The following ADAM32 variants were observed in gnomAD, a reference collection of about 807,000 sequenced individuals.
The protein encoded by ADAM32 is ADAM metallopeptidase domain 32.
A neutral mutation model predicts 114.9 loss-of-function variants in ADAM32; 89 were observed. That is an observed-to-expected ratio of 0.77 (90% CI 0.65 to 0.92). The LOEUF (loss-of-function observed/expected upper bound fraction) is 0.92. ADAM32 is among the 40% of genes least tolerant of loss of function. The probability of loss-of-function intolerance (pLI) is 0.00; values close to 1 mark genes in which losing one functional copy is unlikely to be tolerated. For synonymous variants in ADAM32, 285 were observed against 307.5 expected (o/e 0.93, Z 0.77); for missense variants, 870 against 932.8 (o/e 0.93, Z 0.88).
intron 2 of ADAM32, among the ~76,000 whole-genome samples, chr8:39,126,297 C>G (rs866198255): frequency 9.9e-4 from 151 of 152,228 alleles, no homozygotes; most frequent in African/African-American, 3.5e-3. Context: ...ATTGATTCTT[C>G]CTATCCATGA....
chr8:39,275,634 G>A (rs1200576201), intron 21 of ADAM32, among the ~76,000 whole-genome samples, 194 bp from the exon 22 acceptor site: 1 of 152,110 alleles, frequency 6.6e-6, no homozygotes, highest in Non-Finnish European at 1.5e-5. Flanking sequence ...AACTTTTTAT[G>A]GACATTGTAT....
rs199782793 is a variant in ADAM32, at chr8:39,215,190, A to AT, written c.1233+3875dup. On this transcript the variant is annotated intron_variant, in intron 12 of 24. Transcript: ENST00000379907. ...TTTGTGATTCCATATAAATTTTAGG[A>AT]TTTTTTTTTCTATTTCTGTGAGGAA... 5.3e-4 allele frequency among the ~76,000 whole-genome samples: 80 copies of AT among 150,618 alleles called. No individual in the cohort carries two copies. In the East Asian group the frequency reaches 7.0e-3, roughly 13 times the overall value.
intron 12 of ADAM32, among the ~76,000 whole-genome samples, chr8:39,217,401 TTCTC>T (rs1333979426): frequency 6.6e-6 from 1 of 152,142 alleles, no homozygotes; most frequent in Non-Finnish European, 1.5e-5. Flanking sequence ...ATTGATATCT[TTCTC>T]TAGGTTTGGG....
intron 20 of ADAM32, among the ~76,000 whole-genome samples, chr8:39,271,930 C>T (rs1202478557): frequency 1.3e-5 from 2 of 151,288 alleles, no homozygotes; most frequent in Admixed American, 1.3e-4. Context: ...GTAATCCCAG[C>T]ACTTTAGGAG....
chr8:39,278,712 T>G (rs6980625), intron 22 of ADAM32, among the ~76,000 whole-genome samples: 3 of 151,602 alleles, frequency 2.0e-5, no homozygotes, highest in East Asian at 1.9e-4. Flanking sequence ...TAAAACGTAT[T>G]TATCAGTTGC....
At chr8:39,189,075 C>G (rs1171133044) in intron 11 of ADAM32, among the ~76,000 whole-genome samples, 2 of 152,116 alleles carry the variant, frequency 1.3e-5, no homozygotes, top group African/African-American at 4.8e-5. Flanking sequence ...CAGTGATTTA[C>G]TGTGTACCTA....
chr8:39,251,654 T>C (rs527442906), intron 17 of ADAM32, among the ~76,000 whole-genome samples: 1 of 151,942 alleles, frequency 6.6e-6, no homozygotes, highest in East Asian at 1.9e-4. Flanking sequence ...ATATTTTCTT[T>C]TATTCTGTGG....
At chr8:39,129,844 T>C (rs1402669082) in intron 2 of ADAM32, 1 of 367,082 alleles carries the variant, frequency 2.7e-6, no homozygotes, top group African/African-American at 2.1e-5. Flanking sequence ...TAATCTTTGT[T>C]ATAGGTCTAT....
At chr8:39,108,823 G>A (rs926333651) in intron 1 of ADAM32, among the ~76,000 whole-genome samples, 1 of 152,170 alleles carries the variant, frequency 6.6e-6, no homozygotes, top group Non-Finnish European at 1.5e-5. Context: ...TTAGATTAGG[G>A]TGAGTGTTCT....
intron 14 of ADAM32, chr8:39,223,645 C>G (rs2129448896): frequency 6.6e-6 from 1 of 151,560 alleles, no homozygotes; most frequent in African/African-American, 2.4e-5. Flanking sequence ...TTTTTTTATC[C>G]TTTAAAAGAA....
intron 16 of ADAM32, among the ~76,000 whole-genome samples, chr8:39,237,795 C>T (rs1308110508): frequency 6.6e-6 from 1 of 152,194 alleles, no homozygotes; most frequent in Non-Finnish European, 1.5e-5. Context: ...CTTTCTCTAC[C>T]TGCCCTGGTA....
rs143499852 is a variant in ADAM32, at chr8:39,255,983, G to T, written c.2006-1204G>T. On this transcript the variant is annotated intron_variant, in intron 18 of 24. Transcript: ENST00000379907. ...CCCAGTGCCATTTGTTGAATAGGGT[G>T]TCCTTTCCCCATGTTATGTTTTTGT... Among the ~76,000 whole-genome samples, 21 of 151,984 alleles carry T rather than the reference G, an allele frequency of 1.4e-4. No homozygotes were observed. In the East Asian group the frequency reaches 4.1e-3, roughly 29 times the overall value.
At chr8:39,248,753 C>A (rs555587828) in intron 17 of ADAM32, among the ~76,000 whole-genome samples, 13 of 152,198 alleles carry the variant, frequency 8.5e-5, no homozygotes, top group African/African-American at 3.1e-4. Flanking sequence ...CCTTGCATTG[C>A]TCCTTATCTT....
intron 6 of ADAM32, among the ~76,000 whole-genome samples, chr8:39,155,090 G>C (rs1804063667): frequency 6.6e-6 from 1 of 152,128 alleles, no homozygotes; most frequent in Non-Finnish European, 1.5e-5. Context: ...AATAATAAGA[G>C]CTATTTATGA....
chr8:39,118,270 CT>C (rs1279855103), intron 2 of ADAM32, 105 bp downstream of exon 2: 1 of 592,142 alleles, frequency 1.7e-6, no homozygotes, highest in Non-Finnish European at 2.6e-6. Context: ...TATAATGTCT[CT>C]TGTATTTCTA....
At chr8:39,151,346 A>C (rs1156535993) in intron 5 of ADAM32, 31 bp from the exon 6 acceptor site, 1 of 1,509,766 alleles carries the variant, frequency 6.6e-7, no homozygotes, top group Non-Finnish European at 8.9e-7. Flanking sequence ...TTTGATTAAA[A>C]GCACTTAAAA....
intron 6 of ADAM32, among the ~76,000 whole-genome samples, chr8:39,157,093 C>T (rs4476977): frequency 0.24 from 35,882 of 151,932 alleles, 4,804 homozygotes; most frequent in Non-Finnish European, 0.29. Flanking sequence ...TTTTTCCCTC[C>T]AGCACTTTAA....
In ADAM32 at chr8:39,284,820, G is replaced by A. The variant is rs752421792; in HGVS notation, c.*21G>A. ...ACTAGTGATTCCTTCAGAAGGCAAC[G>A]GATAACATCGAGAGTCTCGCTAAGA... is the stretch of plus-strand genomic sequence containing the variant. On this transcript the variant is annotated 3_prime_UTR_variant, in exon 25 of 25. Coordinates refer to ENST00000379907, the MANE Select transcript of ADAM32 (RefSeq NM_145004.7). 21 of 1,613,012 alleles carry A rather than the reference G, an allele frequency of 1.3e-5. No homozygotes were observed. The East Asian group carries it at 2.7e-4, about 21-fold the overall frequency.
At chr8:39,121,449 G>A (rs551135235) in intron 2 of ADAM32, among the ~76,000 whole-genome samples, 165 of 152,088 alleles carry the variant, frequency 1.1e-3, no homozygotes, top group Non-Finnish European at 2.0e-3. Context: ...GGGGCCAGTC[G>A]GGGGGTGGAG....
Sources: allele counts gnomAD v4.1 joint callset (sites outside exome capture counted in the v4.1 genomes callset), GRCh38; gene constraint gnomAD v4.1.1; transcripts MANE v1.5; gene names NCBI Gene and HGNC (gene_info 2026-07-23, HGNC 2026-07-21).